The following AFF3 variants were observed in gnomAD, a reference collection of about 807,000 sequenced individuals.
AFF3 encodes ALF transcription elongation factor 3, also known as AF4/FMR2 family member 3.
Under a neutral mutation model 129.7 loss-of-function variants are expected in AFF3, and 32 were observed. That is an observed-to-expected ratio of 0.25 (90% confidence interval 0.19 to 0.33). The LOEUF is 0.33. Among genes scored for constraint, AFF3 ranks in the 10% least tolerant of loss-of-function variants. AFF3 has a pLI of 1.00. For missense variants in AFF3, 1,373 were observed against 1,592.0 expected (o/e 0.86, Z 2.34); for synonymous variants, 644 against 635.4 (o/e 1.01, Z -0.20).
intron 8 of AFF3, among the ~76,000 whole-genome samples, chr2:99,788,586 C>T (rs548388457): frequency 6.6e-6 from 1 of 152,250 alleles, no homozygotes; most frequent in Non-Finnish European, 1.5e-5. Flanking sequence ...TCAAAAATTA[C>T]ACAACTTTAA....
chr2:99,593,276 C>T lies in AFF3; in HGVS notation c.2385G>A (p.Lys795=). 6.2e-7 allele frequency: 1 copy of T among 1,613,818 alleles called. No homozygotes were observed. The highest frequency in any genetic ancestry group is 8.5e-7 in the Non-Finnish European group (1 of 1,179,790). Residue 795 remains lysine (K), a synonymous_variant, in exon 15 of 25, where the codon AAG becomes AAA. Coordinates refer to ENST00000672756, the MANE Select transcript of AFF3 (RefSeq NM_001386135.1). ...EPGVLSAPAT[K]DSESAPPSHT... is the part of the protein sequence containing the mutation. ...GGCTGGGCGGTGCGCTCTCAGAGTC[C>T]TTGGTGGCAGGGGCGCTCAATACCC... is the stretch of plus-strand genomic sequence containing the variant.
chr2:99,619,267 T>C (rs1398660281), intron 13 of AFF3, among the ~76,000 whole-genome samples: 1 of 152,222 alleles, frequency 6.6e-6, no homozygotes, highest in African/African-American at 2.4e-5. Flanking sequence ...GGTGTTTAAT[T>C]TGCATCTCAC....
intron 13 of AFF3, among the ~76,000 whole-genome samples, chr2:99,625,324 C>T (rs749416414): frequency 4.6e-5 from 7 of 152,100 alleles, no homozygotes; most frequent in Non-Finnish European, 2.9e-5. Flanking sequence ...GAAAAATATG[C>T]AATATTAGGG....
At position 99,720,621 on chromosome 2, in the gene AFF3, T is replaced by C. The variant is rs191396610; in HGVS notation, c.1091+6456A>G. Among the ~76,000 whole-genome samples, 245 of 152,324 alleles carry C rather than the reference T, an allele frequency of 1.6e-3. 1 individual carries two copies. The highest frequency in any genetic ancestry group is 5.3e-3 in the African/African-American group (222 of 41,582). Reference sequence around the variant, plus strand: ...ACACTAAATGGACTATGACAGTCCATTTGTATTTAATGCAGTTACTAATAT... The same window carrying C: ...ACACTAAATGGACTATGACAGTCCACTTGTATTTAATGCAGTTACTAATAT... On this transcript the variant is annotated intron_variant, in intron 11 of 24. Coordinates refer to ENST00000672756, the MANE Select transcript of AFF3 (RefSeq NM_001386135.1).
chr2:99,867,799 G>T (rs1200151015), intron 7 of AFF3, among the ~76,000 whole-genome samples: 1 of 152,194 alleles, frequency 6.6e-6, no homozygotes, highest in African/African-American at 2.4e-5. Flanking sequence ...ACAGTGCTGA[G>T]GTCAGAGCCA....
intron 4 of AFF3, among the ~76,000 whole-genome samples, chr2:100,043,424 T>C (rs751716747): frequency 5.9e-5 from 9 of 152,188 alleles, no homozygotes; most frequent in Non-Finnish European, 8.8e-5. Flanking sequence ...GCAAAATACA[T>C]GGCTTTGCTA....
intron 17 of AFF3, among the ~76,000 whole-genome samples, chr2:99,580,453 G>C (rs1490410893): frequency 1.3e-5 from 2 of 152,154 alleles, no homozygotes; most frequent in Non-Finnish European, 2.9e-5. Flanking sequence ...GGGGCAAGTT[G>C]ACAATGCCCG....
rs1679230135 is a variant in AFF3 at position 99,595,818 on chromosome 2, G to A, written c.1372-1529C>T. On this transcript the variant is annotated intron_variant, in intron 14 of 24. Transcript: ENST00000672756. ...ATGGGCCAGAACGGGTTGGGGCCAA[G>A]AGGAATTGGCCACAGAGCGTGGGGA... is the stretch of plus-strand genomic sequence containing the variant. Among the ~76,000 whole-genome samples, 3 of 152,234 alleles carry A rather than the reference G, an allele frequency of 2.0e-5. No homozygotes were observed. In the South Asian group the frequency reaches 6.2e-4, roughly 31 times the overall value.
intron 2 of AFF3, chr2:100,107,086 G>T: frequency 4.1e-6 from 4 of 985,438 alleles, no homozygotes; most frequent in Non-Finnish European, 4.8e-6. Flanking sequence ...TCTGTTTGGG[G>T]CCTCTAACAT....
chr2:99,924,636 C>T (rs1260750841), intron 7 of AFF3, among the ~76,000 whole-genome samples: 1 of 152,238 alleles, frequency 6.6e-6, no homozygotes, highest in Admixed American at 6.5e-5. Context: ...GAGTGGAAAT[C>T]CTGCTTCTAA....
chr2:99,710,788 T>C (rs1008183509), intron 11 of AFF3, among the ~76,000 whole-genome samples: 1 of 152,172 alleles, frequency 6.6e-6, no homozygotes, highest in African/African-American at 2.4e-5. Context: ...TTCTCTGCGG[T>C]AGAACCTTGG....
intron 7 of AFF3, among the ~76,000 whole-genome samples, chr2:99,843,471 G>T (rs1008720483): frequency 6.6e-6 from 1 of 152,184 alleles, no homozygotes; most frequent in East Asian, 1.9e-4. Flanking sequence ...CTTTAACAGA[G>T]CATCAAAATG....
At chr2:99,594,335 G>T in intron 14 of AFF3, 46 bp from the exon 15 acceptor site, 1 of 1,559,062 alleles carries the variant, frequency 6.4e-7, no homozygotes, top group Non-Finnish European at 8.7e-7. Flanking sequence ...TTCATTACAG[G>T]CTCACTTAAA....
At chr2:99,916,381 AT>A (rs1174010070) in intron 7 of AFF3, among the ~76,000 whole-genome samples, 1 of 152,096 alleles carries the variant, frequency 6.6e-6, no homozygotes, top group Admixed American at 6.6e-5. Context: ...CGCATTTTTT[AT>A]TCTCCCTCAT....
At chr2:100,026,858 C>A (rs1449585350) in intron 4 of AFF3, among the ~76,000 whole-genome samples, 1 of 149,738 alleles carries the variant, frequency 6.7e-6, no homozygotes, top group Non-Finnish European at 1.5e-5. Flanking sequence ...TATGTTCTCA[C>A]AGATATGTGG....
intron 15 of AFF3, among the ~76,000 whole-genome samples, chr2:99,590,326 G>C (rs940816333): frequency 1.3e-5 from 2 of 152,264 alleles, no homozygotes; most frequent in African/African-American, 4.8e-5. Context: ...CTGCCCTGCA[G>C]AAACAGGCAG....
At chr2:99,551,662 G>C (rs982527741) in intron 24 of AFF3, 67 bp from the exon 25 acceptor site, 1 of 1,590,826 alleles carries the variant, frequency 6.3e-7, no homozygotes, top group Non-Finnish European at 8.6e-7. Context: ...AGCAACTGAT[G>C]TAAGGAAAAA....
At chr2:100,124,868 G>A (rs1201905196) in intron 2 of AFF3, among the ~76,000 whole-genome samples, 1 of 152,166 alleles carries the variant, frequency 6.6e-6, no homozygotes, top group South Asian at 2.1e-4. Flanking sequence ...CAAAATTAGA[G>A]CATAAAGACA....
chr2:99,792,756 C>T (rs1440485179), intron 8 of AFF3, among the ~76,000 whole-genome samples: 1 of 152,172 alleles, frequency 6.6e-6, no homozygotes, highest in Non-Finnish European at 1.5e-5. Context: ...TCTGCTAATA[C>T]AGAAAATTAT....
Sources: gnomAD v4.1 joint callset for allele counts (sites outside exome capture counted in the v4.1 genomes callset) on GRCh38, gnomAD v4.1.1 for gene constraint, MANE v1.5 for transcripts, NCBI Gene and HGNC (gene_info 2026-07-23, HGNC 2026-07-21) for gene names.